The following SHANK2 variants were observed in gnomAD, a reference collection of about 807,000 sequenced individuals.
The protein encoded by SHANK2 is SH3 and multiple ankyrin repeat domains 2.
A neutral mutation model predicts 133.7 loss-of-function variants in SHANK2; 43 were observed. That is an observed-to-expected ratio of 0.32 (90% CI 0.25 to 0.41). The LOEUF is 0.41. SHANK2 is among the 10% of genes least tolerant of loss of function. SHANK2 has a pLI of 1.00. For missense variants in SHANK2, 1,994 were observed against 2,235.8 expected (o/e 0.89, Z 2.18); for synonymous variants, 1,017 against 952.8 (o/e 1.07, Z -1.24).
At chr11:71,172,479 T>C (rs1953335486) in intron 2 of SHANK2, among the ~76,000 whole-genome samples, 1 of 150,776 alleles carries the variant, frequency 6.6e-6, no homozygotes, top group African/African-American at 2.4e-5. Flanking sequence ...GCACCTGTTT[T>C]CCCACCTACT....
intron 15 of SHANK2, among the ~76,000 whole-genome samples, chr11:70,692,076 G>C (rs1467635284): frequency 6.6e-6 from 1 of 152,142 alleles, no homozygotes; most frequent in Non-Finnish European, 1.5e-5. Flanking sequence ...GCTTCCTTCT[G>C]TGTCCAGACA....
intron 2 of SHANK2, among the ~76,000 whole-genome samples, chr11:71,203,764 G>C (rs1954068313): frequency 6.6e-6 from 1 of 152,174 alleles, no homozygotes; most frequent in Non-Finnish European, 1.5e-5. Context: ...GGGACCCCAG[G>C]CCACATGGTA....
Position 71,147,296 on chromosome 11 carries a change from C to T in SHANK2, c.31G>A (p.Glu11Lys), listed in dbSNP as rs1369198408. 1.5e-5 allele frequency: 24 copies of T among 1,550,870 alleles called. No individual in the cohort carries two copies. The highest frequency in any genetic ancestry group is 2.4e-5 in the South Asian group (2 of 84,066). The change falls in exon 3 of 26, where the codon GAG becomes AAG. Residue 11 changes from glutamate to lysine, a missense_variant. This residue lies in a region of SHANK2 where 653 missense variants were observed against 563.4 expected (regional missense o/e 1.16). Transcript: ENST00000601538. The part of the protein sequence containing the change: MPRSPTSSED[E>K]MAQSFSDYSV... ...TAGTCGGAGAAGCTCTGGGCCATCTCGTCCTCGCTGGATGTTGGGCTGCGC... is the reference window on the plus strand; with the variant it reads ...TAGTCGGAGAAGCTCTGGGCCATCTTGTCCTCGCTGGATGTTGGGCTGCGC...
chr11:71,144,736 A>G (rs55726773), intron 3 of SHANK2, among the ~76,000 whole-genome samples: 33,435 of 152,164 alleles, frequency 0.22, 3,932 homozygotes, highest in South Asian at 0.3. Context: ...TTACCTTCAC[A>G]GATTTAGCTG....
intron 17 of SHANK2, among the ~76,000 whole-genome samples, chr11:70,597,561 G>A (rs2060418402): frequency 6.6e-6 from 1 of 152,154 alleles, no homozygotes. Context: ...GGACTTCTGA[G>A]CAGGCATATC....
chr11:71,137,385 C>T (rs782613790), intron 3 of SHANK2, among the ~76,000 whole-genome samples: 45 of 149,202 alleles, frequency 3.0e-4, no homozygotes, highest in Admixed American at 8.0e-4. Flanking sequence ...GAGAAAGTTA[C>T]GGTCATAGCA....
intron 14 of SHANK2, among the ~76,000 whole-genome samples, chr11:70,720,098 A>G (rs1227549251): frequency 6.6e-6 from 1 of 152,152 alleles, no homozygotes; most frequent in Non-Finnish European, 1.5e-5. Context: ...AGCCAGAACC[A>G]TCGGACCGCT....
At position 70,698,696 on chromosome 11, in the gene SHANK2, G is replaced by A. The variant is rs1555022896; in HGVS notation, c.1845C>T (p.Asp615=). 7.0e-6 allele frequency: 5 copies of A among 718,656 alleles called. No homozygotes were observed. The South Asian group carries it at 7.4e-5, about 11-fold the overall frequency. The allele number at this position is 718,656 out of a possible 1,614,324, so 44.5% of individuals were successfully genotyped here. The part of the protein sequence containing the change: ...HYTVGSYDSF[D]TSSDCIIEEK... Reference sequence around the variant, plus strand: ...AAAGCAGCGCGTCTTACCTGGAAGTGTCGAAGCTGTCATAGGAGCCCACGG... The same window carrying A: ...AAAGCAGCGCGTCTTACCTGGAAGTATCGAAGCTGTCATAGGAGCCCACGG... The change falls in exon 15 of 26, where the codon GAC becomes GAT. Residue 615 remains aspartate (D), a synonymous_variant. Transcript: ENST00000601538.
In SHANK2 at chr11:70,828,773, C is replaced by A. The variant is rs1169692074; in HGVS notation, c.1175-8091G>T. Among the ~76,000 whole-genome samples the A allele has an allele frequency of 2.0e-5, 3 of 152,316 alleles. No individual in the cohort carries two copies. The South Asian group carries it at 6.2e-4, about 32-fold the overall frequency. ...AGGGAGCTCCTCCAAGGCTGGGGGA[C>A]CCGGCTGGTCGTGTGCTCAGCCACG... On this transcript the variant is annotated intron_variant, in intron 11 of 25. Coordinates refer to ENST00000601538, the MANE Select transcript of SHANK2 (RefSeq NM_012309.5).
intron 8 of SHANK2, among the ~76,000 whole-genome samples, chr11:71,090,165 A>C (rs1951481676): frequency 7.7e-6 from 1 of 130,306 alleles, no homozygotes; most frequent in East Asian, 2.3e-4. Flanking sequence ...CTCCAGAGAA[A>C]CACAACCTGT....
chr11:71,231,524 A>C (rs2135768270), intron 1 of SHANK2, among the ~76,000 whole-genome samples: 1 of 152,280 alleles, frequency 6.6e-6, no homozygotes, highest in South Asian at 2.1e-4. Context: ...GTTCCTTAAA[A>C]ACCTAAATAT....
At chr11:70,527,742 C>G (rs1297792849) in intron 17 of SHANK2, among the ~76,000 whole-genome samples, 1 of 152,158 alleles carries the variant, frequency 6.6e-6, no homozygotes, top group Non-Finnish European at 1.5e-5. Flanking sequence ...TGGAGAAGGC[C>G]CCTCTGATAA....
At chr11:70,552,990 T>G (rs1403529888) in intron 17 of SHANK2, among the ~76,000 whole-genome samples, 1 of 152,160 alleles carries the variant, frequency 6.6e-6, no homozygotes, top group Admixed American at 6.5e-5. Flanking sequence ...CCCCGTGTCC[T>G]CATGTGGTCA....
At chr11:71,117,226 G>A (rs1265140422) in intron 4 of SHANK2, among the ~76,000 whole-genome samples, 2 of 152,106 alleles carry the variant, frequency 1.3e-5, no homozygotes, top group Non-Finnish European at 2.9e-5. Flanking sequence ...CACCATGTTG[G>A]CCAGGCTAAT....
intron 3 of SHANK2, among the ~76,000 whole-genome samples, chr11:71,131,971 T>C (rs1555103779): frequency 6.6e-6 from 1 of 151,728 alleles, no homozygotes; most frequent in East Asian, 1.9e-4. Context: ...ATTAAGGGGG[T>C]CCCCGAGGCC....
Position 71,193,267 on chromosome 11 carries a change from T to C in SHANK2, c.-13+31430A>G, listed in dbSNP as rs568985691. 9.9e-5 allele frequency among the ~76,000 whole-genome samples: 15 copies of C among 152,282 alleles called. No individual in the cohort carries two copies. In the South Asian group the frequency reaches 2.9e-3, roughly 29 times the overall value. ...GTGGTGGGTCTGGAATCCCAGCCCA[T>C]GGGTTCTGGGGCCGTCTCATCAGAG... On this transcript the variant is annotated intron_variant, in intron 2 of 25. Coordinates refer to ENST00000601538, the MANE Select transcript of SHANK2 (RefSeq NM_012309.5).
At chr11:70,613,760 C>CTTGTTT (rs2060697927) in intron 17 of SHANK2, among the ~76,000 whole-genome samples, 1 of 20,394 alleles carries the variant, frequency 4.9e-5, no homozygotes, top group South Asian at 2.3e-3. Flanking sequence ...AAGAGGGGAA[C>CTTGTTT]TTGTTTTTTT....
Position 70,850,645 on chromosome 11 carries a change from C to T in SHANK2, c.1175-29963G>A, listed in dbSNP as rs189298792. ...ATCTAAGTGTAGTGGGGGCTTGGGC[C>T]TCGAGTCACTGTGCCTGCAGCTCCC... is the stretch of plus-strand genomic sequence containing the variant. On this transcript the variant is annotated intron_variant, in intron 11 of 25. Coordinates refer to ENST00000601538, the MANE Select transcript of SHANK2 (RefSeq NM_012309.5). 4.9e-3 allele frequency among the ~76,000 whole-genome samples: 740 copies of T among 152,326 alleles called. 15 individuals are homozygous for T. In the South Asian group the frequency reaches 0.06, roughly 12 times the overall value.
rs1947969129 is a variant in SHANK2, at chr11:70,798,493, G to A, written c.1727C>T (p.Pro576Leu). 3 of 718,444 alleles carry A rather than the reference G, an allele frequency of 4.2e-6. No individual in the cohort carries two copies. The highest frequency in any genetic ancestry group is 5.2e-6 in the Non-Finnish European group (2 of 385,110). 44.5% of individuals were successfully genotyped at this position (718,444 alleles called of 1,614,324 possible). A position where few individuals can be genotyped will look rare whatever the true frequency, so the allele number is the denominator to read the frequency against. ...GSARGHIGWF[P>L]AECVEEVQCK... Reference sequence around the variant, plus strand: ...CTGGACCTCCTCCACGCACTCCGCCGGAAACCATCCGATGTGGCCGCGGGC... The same window carrying A: ...CTGGACCTCCTCCACGCACTCCGCCAGAAACCATCCGATGTGGCCGCGGGC... The change falls in exon 14 of 26, where the codon CCG becomes CTG. Residue 576 changes from proline to leucine, a missense_variant. Transcript: ENST00000601538.
Sources: allele counts gnomAD v4.1 joint callset (sites outside exome capture counted in the v4.1 genomes callset), GRCh38; gene constraint gnomAD v4.1.1; regional missense constraint gnomAD v4.1.1; transcripts MANE v1.5; gene names NCBI Gene and HGNC (gene_info 2026-07-23, HGNC 2026-07-21).